The following CACNA2D1 variants were observed in gnomAD, a reference collection of about 807,000 sequenced individuals.
CACNA2D1 encodes calcium voltage-gated channel auxiliary subunit alpha2delta 1.
CACNA2D1 carries 53 observed loss-of-function variants against 171.5 expected under a neutral mutation model. That is an observed-to-expected ratio of 0.31 (90% CI 0.25 to 0.39). CACNA2D1 has a LOEUF of 0.39. Among genes scored for constraint, CACNA2D1 ranks in the 10% least tolerant of loss-of-function variants. CACNA2D1 has a pLI of 1.00. For missense variants in CACNA2D1, 903 were observed against 1,299.8 expected (o/e 0.69, Z 4.69); for synonymous variants, 442 against 443.1 (o/e 1.00, Z 0.03).
rs560225153 is a variant in CACNA2D1, at chr7:82,414,014, C to T, written c.95+29351G>A. ...TTATTTAGTTGGTCAACAAATAAAC[C>T]TGGAGGCTATTTATGTAGCAAAATC... On this transcript the variant is annotated intron_variant, in intron 1 of 38. Coordinates refer to ENST00000356860, the MANE Select transcript of CACNA2D1 (RefSeq NM_000722.4). Among the ~76,000 whole-genome samples, 632 of 152,028 alleles carry T rather than the reference C, an allele frequency of 4.2e-3. 4 individuals carry two copies. The highest frequency in any genetic ancestry group is 0.014 in the African/African-American group (599 of 41,468).
intron 10 of CACNA2D1, among the ~76,000 whole-genome samples, chr7:82,047,513 C>T (rs1390962892): frequency 6.6e-6 from 1 of 152,078 alleles, no homozygotes; most frequent in Non-Finnish European, 1.5e-5. Context: ...CAATACTGAT[C>T]ATATGAGTGA....
intron 3 of CACNA2D1, among the ~76,000 whole-genome samples, chr7:82,291,442 ATTTTTATTATATATATT>A (rs1431473173): frequency 1.5e-5 from 2 of 135,594 alleles, no homozygotes; most frequent in African/African-American, 2.7e-5. Flanking sequence ...TAAAATATAT[ATTTTTATTATATATATT>A]AAATATATAA....
chr7:82,069,341 A>G (rs2128989765), intron 7 of CACNA2D1, among the ~76,000 whole-genome samples: 2 of 152,316 alleles, frequency 1.3e-5, no homozygotes, highest in East Asian at 3.9e-4. Context: ...CTCAGTTTAG[A>G]TGACTTTTTA....
chr7:82,432,009 G>T (rs972561553), intron 1 of CACNA2D1, among the ~76,000 whole-genome samples: 2 of 127,408 alleles, frequency 1.6e-5, no homozygotes, highest in African/African-American at 6.8e-5. Flanking sequence ...CTCCACTCCA[G>T]CCTGGGCAAC....
rs1246804785 is a variant in CACNA2D1, at chr7:82,095,944, T to A, written c.527-11044A>T. 2.0e-5 allele frequency among the ~76,000 whole-genome samples: 3 copies of A among 152,228 alleles called. No homozygotes were observed. In the East Asian group the frequency reaches 5.8e-4, roughly 29 times the overall value. On this transcript the variant is annotated intron_variant, in intron 6 of 38. Transcript: ENST00000356860. ...TGGAGATGTTCTGAAGAGCGTGGTG[T>A]AAATACTGGCCCAATTTTTAGATAA... is the stretch of plus-strand genomic sequence containing the variant.
intron 4 of CACNA2D1, among the ~76,000 whole-genome samples, chr7:82,143,524 C>T (rs1020097735): frequency 2.0e-5 from 3 of 152,134 alleles, no homozygotes; most frequent in Non-Finnish European, 4.4e-5. Context: ...AAAGATTCCA[C>T]ATAGCAGAGT....
chr7:82,153,270 G>A (rs1794036041), intron 4 of CACNA2D1, among the ~76,000 whole-genome samples: 1 of 151,772 alleles, frequency 6.6e-6, no homozygotes, highest in African/African-American at 2.4e-5. Flanking sequence ...AGCTCTCTCA[G>A]GAATTAATGA....
chr7:82,237,101 A>G (rs1803669252), intron 3 of CACNA2D1, among the ~76,000 whole-genome samples: 1 of 151,948 alleles, frequency 6.6e-6, no homozygotes, highest in Non-Finnish European at 1.5e-5. Flanking sequence ...GTACTTATTT[A>G]AAGTGTCTTT....
chr7:82,060,182 TATA>T lies in CACNA2D1; in HGVS notation c.879+243_879+245del, dbSNP rs1425598207. Among the ~76,000 whole-genome samples, 400 of 13,628 alleles carry T rather than the reference TATA, an allele frequency of 0.029. 32 individuals are homozygous for T. The highest frequency in any genetic ancestry group is 0.092 in the African/African-American group (380 of 4,120). The allele number at this position is 13,628 out of a possible 152,430, so 8.9% of individuals were successfully genotyped here. A position where few individuals can be genotyped will look rare whatever the true frequency, so the allele number is the denominator to read the frequency against. Reference sequence around the variant, plus strand: ...ATATATATAATATATATATATAATATATATATATTATATATATATTATATATAT... The same window carrying T: ...ATATATATAATATATATATATAATATTATATTATATATATATTATATATAT... On this transcript the variant is annotated intron_variant, in intron 10 of 38. Coordinates refer to ENST00000356860, the MANE Select transcript of CACNA2D1 (RefSeq NM_000722.4).
At chr7:82,320,961 A>ATTTATATATATATAAAGCCG (rs11273211) in intron 3 of CACNA2D1, among the ~76,000 whole-genome samples, 1 of 151,920 alleles carries the variant, frequency 6.6e-6, no homozygotes, top group African/African-American at 2.4e-5. Flanking sequence ...ATATAAAGCC[A>ATTTATATATATATAAAGCCG]AAAACTTATA....
At chr7:82,174,107 C>T (rs754722282) in intron 3 of CACNA2D1, among the ~76,000 whole-genome samples, 1 of 132,696 alleles carries the variant, frequency 7.5e-6, no homozygotes, top group African/African-American at 2.8e-5. Flanking sequence ...ATCTGCTCAA[C>T]AGAACATCCC....
chr7:82,037,972 A>C (rs1803512583), intron 11 of CACNA2D1, 105 bp downstream of exon 11: 1 of 1,110,524 alleles, frequency 9.0e-7, no homozygotes. Flanking sequence ...AAATAAATGA[A>C]AAACAGCACT....
intron 21 of CACNA2D1, among the ~76,000 whole-genome samples, chr7:81,988,496 T>G (rs376287937): frequency 1.5e-4 from 23 of 152,310 alleles, no homozygotes; most frequent in African/African-American, 5.1e-4. Flanking sequence ...TAAGTTCCTA[T>G]GATAATAACA....
intron 1 of CACNA2D1, among the ~76,000 whole-genome samples, chr7:82,388,257 A>T (rs1323958698): frequency 6.6e-6 from 1 of 152,150 alleles, no homozygotes; most frequent in Non-Finnish European, 1.5e-5. Flanking sequence ...AAATTTTATT[A>T]TATTTCACAA....
intron 38 of CACNA2D1, among the ~76,000 whole-genome samples, chr7:81,956,106 G>T (rs1793302202): frequency 1.3e-5 from 2 of 149,024 alleles, no homozygotes; most frequent in Admixed American, 1.4e-4. Context: ...TCCTGCCTCA[G>T]CCTCTGGCGT....
chr7:82,307,422 G>A (rs796492324), intron 3 of CACNA2D1, among the ~76,000 whole-genome samples: 16 of 151,548 alleles, frequency 1.1e-4, no homozygotes, highest in African/African-American at 3.6e-4. Context: ...CTCCCAAAGT[G>A]GTGGGATTAC....
intron 3 of CACNA2D1, among the ~76,000 whole-genome samples, chr7:82,299,195 T>C (rs1010594603): frequency 1.3e-5 from 2 of 152,042 alleles, no homozygotes; most frequent in Non-Finnish European, 2.9e-5. Context: ...ATGTACAAAA[T>C]GAAAGTTGAT....
At chr7:82,365,131 T>C (rs1450766993) in intron 1 of CACNA2D1, among the ~76,000 whole-genome samples, 2 of 151,920 alleles carry the variant, frequency 1.3e-5, no homozygotes, top group Non-Finnish European at 2.9e-5. Flanking sequence ...TTGGGAGAAG[T>C]GGGGAAGACA....
chr7:82,365,523 C>T (rs1437058370), intron 1 of CACNA2D1, among the ~76,000 whole-genome samples: 2 of 152,098 alleles, frequency 1.3e-5, no homozygotes, highest in African/African-American at 2.4e-5. Flanking sequence ...AGAATACATC[C>T]TTTCATTGTG....
Sources: allele counts gnomAD v4.1 joint callset (sites outside exome capture counted in the v4.1 genomes callset), GRCh38; gene constraint gnomAD v4.1.1; transcripts MANE v1.5; gene names NCBI Gene and HGNC (gene_info 2026-07-23, HGNC 2026-07-21).